KAT6A: variants seen among roughly 807,000 people sequenced by gnomAD.
KAT6A encodes the protein lysine acetyltransferase 6A.
In KAT6A, 9 loss-of-function variants were observed where a neutral mutation model predicts 198.4. That is an observed-to-expected ratio of 0.05 (90% CI 0.03 to 0.08). The LOEUF is 0.08. Among genes scored for constraint, KAT6A ranks in the 10% least tolerant of loss-of-function variants. KAT6A has a pLI of 1.00. For missense variants in KAT6A, 2,077 were observed against 2,509.9 expected (o/e 0.83, Z 3.69); for synonymous variants, 890 against 883.0 (o/e 1.01, Z -0.14).
chr8:41,967,265 A>T (rs10661890), intron 8 of KAT6A, among the ~76,000 whole-genome samples: 330 of 30,744 alleles, frequency 0.011, 7 homozygotes, highest in East Asian at 0.053. Context: ...TTCTTTTTTT[A>T]AAAAAAAAAA....
intron 2 of KAT6A, among the ~76,000 whole-genome samples, chr8:41,996,744 G>C (rs988654947): frequency 6.6e-6 from 1 of 152,150 alleles, no homozygotes; most frequent in Non-Finnish European, 1.5e-5. Context: ...GAGGCCCCTT[G>C]ATCTTAGACT....
At chr8:42,005,505 C>G (rs965912309) in intron 2 of KAT6A, among the ~76,000 whole-genome samples, 1 of 152,124 alleles carries the variant, frequency 6.6e-6, no homozygotes, top group African/African-American at 2.4e-5. Context: ...AATAAGAGAT[C>G]AGGAAAGCGA....
rs369811887 is a variant in KAT6A, at chr8:42,006,256, A to ATG, written c.601-18695_601-18694dup. 1.0e-3 allele frequency among the ~76,000 whole-genome samples: 153 copies of ATG among 152,196 alleles called. 1 individual carries two copies. Among genetic ancestry groups the ATG allele is most frequent in the Non-Finnish European group, 2.0e-3 (133 of 68,006 alleles). On this transcript the variant is annotated intron_variant, in intron 2 of 16. Transcript: ENST00000265713. The stretch of plus-strand genomic sequence containing the variant: ...GTAAGTAGGTGTCTGGGAGTATGTT[A>ATG]TGTGTGTGTGTGCAGGTGCACATGT...
intron 8 of KAT6A, among the ~76,000 whole-genome samples, chr8:41,965,077 T>C (rs756771899): frequency 2.6e-5 from 4 of 152,180 alleles, no homozygotes; most frequent in African/African-American, 4.8e-5. Context: ...GGAGATGATA[T>C]AGAAAACACA....
chr8:42,048,609 A>T lies in KAT6A; in HGVS notation c.369T>A (p.Arg123=), dbSNP rs1231143925. ...ACACATCCTTCTGACCTTTCAAAAAACGTTCAATGCTTTTCAAAGTTGAGC... is the reference window on the plus strand; with the variant it reads ...ACACATCCTTCTGACCTTTCAAAAATCGTTCAATGCTTTTCAAAGTTGAGC... ...SGGSTLKSIE[R]FLKGQKDVSA... is the part of the protein sequence containing the mutation. Residue 123 remains arginine, a synonymous_variant, in exon 2 of 17, where the codon CGT becomes CGA. Coordinates refer to ENST00000265713, the MANE Select transcript of KAT6A (RefSeq NM_006766.5). The T allele has an allele frequency of 1.9e-6, 3 of 1,614,180 alleles. No individual in the cohort carries two copies. The South Asian group carries it at 3.3e-5, about 18-fold the overall frequency.
chr8:42,019,368 T>C (rs1826420779), intron 2 of KAT6A, among the ~76,000 whole-genome samples: 2 of 152,174 alleles, frequency 1.3e-5, no homozygotes, highest in Non-Finnish European at 2.9e-5. Context: ...AAGATTCTTA[T>C]GTGCCAGGAA....
intron 15 of KAT6A, among the ~76,000 whole-genome samples, chr8:41,940,144 C>G (rs1822037580): frequency 6.6e-6 from 1 of 152,232 alleles, no homozygotes; most frequent in East Asian, 1.9e-4. Flanking sequence ...TCGCTTCAGT[C>G]TGGCTGCCTC....
intron 2 of KAT6A, among the ~76,000 whole-genome samples, chr8:42,019,862 G>A (rs1460598922): frequency 6.6e-6 from 1 of 152,014 alleles, no homozygotes; most frequent in Non-Finnish European, 1.5e-5. Flanking sequence ...AGCTCTTTAG[G>A]AGTTCTAACT....
At chr8:41,958,785 G>A (rs939340159) in intron 8 of KAT6A, among the ~76,000 whole-genome samples, 1 of 152,120 alleles carries the variant, frequency 6.6e-6, no homozygotes. Flanking sequence ...CATAAGTAAG[G>A]AATACAAATA....
At chr8:42,051,821 G>A (rs1802677541) in intron 1 of KAT6A, 80 bp downstream of exon 1, 1 of 148,562 alleles carries the variant, frequency 6.7e-6, no homozygotes, top group African/African-American at 2.4e-5. Context: ...ACCCCGCGAG[G>A]CAGCGGAGTG....
At chr8:41,992,676 A>T (rs938268847) in intron 2 of KAT6A, among the ~76,000 whole-genome samples, 2 of 152,172 alleles carry the variant, frequency 1.3e-5, no homozygotes, top group Non-Finnish European at 2.9e-5. Flanking sequence ...AGTCTGGATT[A>T]AAAAAAGGAA....
rs370703182 is a variant in KAT6A at position 41,940,974 on chromosome 8, C to T, written c.2907G>A (p.Leu969=). Residue 969 remains leucine (L), a synonymous_variant, in exon 15 of 17, where the codon CTG becomes CTA. Transcript: ENST00000265713. The part of the protein sequence containing the change: ...KCRLTEGSER[L]PRRYSEGDRA... ...TGTCACCCTCACTGTAGCGACGGGG[C>T]AGCCTCTCACTTCCTTCTGTTAATC... 9 of 1,614,064 alleles carry T rather than the reference C, an allele frequency of 5.6e-6. No individual in the cohort carries two copies. In the South Asian group the frequency reaches 7.7e-5, roughly 14 times the overall value.
At chr8:41,938,686 C>T (rs1467379646) in intron 15 of KAT6A, among the ~76,000 whole-genome samples, 1 of 152,112 alleles carries the variant, frequency 6.6e-6, no homozygotes, top group Non-Finnish European at 1.5e-5. Context: ...GTGGCTCACA[C>T]CTGTAATCCC....
intron 8 of KAT6A, among the ~76,000 whole-genome samples, chr8:41,970,619 T>G (rs561989686): frequency 1.3e-5 from 2 of 152,318 alleles, no homozygotes; most frequent in African/African-American, 4.8e-5. Context: ...TTTACACTGT[T>G]GGTGGGACTG....
chr8:42,008,952 A>G (rs1825878572), intron 2 of KAT6A, among the ~76,000 whole-genome samples: 1 of 152,206 alleles, frequency 6.6e-6, no homozygotes, highest in African/African-American at 2.4e-5. Flanking sequence ...TGAAGAGAGC[A>G]ATTTTTTACC....
chr8:41,949,188 G>A, intron 10 of KAT6A, 34 bp downstream of exon 10: 2 of 1,427,728 alleles, frequency 1.4e-6, no homozygotes, highest in Middle Eastern at 1.8e-4. Context: ...CTTATGAAAT[G>A]GATGAGAGGA....
At chr8:41,972,841 C>T (rs979216071) in intron 8 of KAT6A, among the ~76,000 whole-genome samples, 1 of 152,130 alleles carries the variant, frequency 6.6e-6, no homozygotes, top group Non-Finnish European at 1.5e-5. Flanking sequence ...GCAACTTACT[C>T]GGGAGGAGAA....
intron 13 of KAT6A, among the ~76,000 whole-genome samples, chr8:41,943,414 T>A (rs1292187343): frequency 1.3e-5 from 2 of 152,188 alleles, no homozygotes; most frequent in Non-Finnish European, 2.9e-5. Context: ...AAATTTAACA[T>A]GGGCATTTTA....
chr8:41,934,359 C>G lies in KAT6A; in HGVS notation c.3861G>C (p.Glu1287Asp). Reference protein sequence around the residue: ...PRVSEEQRQSEEEQQELEEPE... With the variant: ...PRVSEEQRQSDEEQQELEEPE... ...GCTCCTCTAATTCCTGCTGCTCCTC[C>G]TCTGACTGCCTCTGCTCCTCTGAGA... The change falls in exon 17 of 17, where the codon GAG (glutamate) becomes GAC (aspartate). Residue 1287 changes from glutamate (E) to aspartate (D), a missense_variant. Transcript: ENST00000265713. The G allele has an allele frequency of 6.2e-7, 1 of 1,613,902 alleles. No individual in the cohort carries two copies. Among genetic ancestry groups the G allele is most frequent in the Non-Finnish European group, 8.5e-7 (1 of 1,179,872 alleles).
Sources: gnomAD v4.1 joint callset for allele counts (sites outside exome capture counted in the v4.1 genomes callset) on GRCh38, gnomAD v4.1.1 for gene constraint, MANE v1.5 for transcripts, NCBI Gene and HGNC (gene_info 2026-07-23, HGNC 2026-07-21) for gene names.